The following DISP1 variants were observed in gnomAD, a reference collection of about 807,000 sequenced individuals.
The protein encoded by DISP1 is protein dispatched homolog 1.
DISP1 carries 30 observed loss-of-function variants against 37.3 expected under a neutral mutation model. That is an observed-to-expected ratio of 0.80 (90% CI 0.60 to 1.09). DISP1 has a LOEUF of 1.09. Ranked by LOEUF, DISP1 falls within the 50% of genes least tolerant of loss-of-function variation. The probability of loss-of-function intolerance (pLI) is 0.00; values close to 1 mark genes in which losing one functional copy is unlikely to be tolerated. For missense variants in DISP1, 1,598 were observed against 1,879.5 expected (o/e 0.85, Z 2.77); for synonymous variants, 634 against 690.2 (o/e 0.92, Z 1.28).
intron 3 of DISP1, among the ~76,000 whole-genome samples, chr1:222,944,967 C>T (rs1196092707): frequency 2.0e-5 from 3 of 151,826 alleles, no homozygotes; most frequent in Admixed American, 6.6e-5. Context: ...TGCTTGAGCC[C>T]AGGACTTCAA....
At chr1:222,917,455 T>A (rs1281196972) in intron 1 of DISP1, among the ~76,000 whole-genome samples, 1 of 152,094 alleles carries the variant, frequency 6.6e-6, no homozygotes, top group Non-Finnish European at 1.5e-5. Flanking sequence ...AGAAACCCCT[T>A]TACAAGTCTG....
chr1:222,944,417 G>C (rs1490861954), intron 3 of DISP1, among the ~76,000 whole-genome samples: 1 of 150,052 alleles, frequency 6.7e-6, no homozygotes, highest in South Asian at 2.2e-4. Flanking sequence ...ACTTTCTAGA[G>C]ACCTAGTATT....
At chr1:222,896,565 C>T (rs1671268082) in intron 1 of DISP1, among the ~76,000 whole-genome samples, 1 of 150,176 alleles carries the variant, frequency 6.7e-6, no homozygotes, top group African/African-American at 2.5e-5. Flanking sequence ...CGCACCATTG[C>T]ACTTCAGCCT....
At position 222,994,866 on chromosome 1, in the gene DISP1, T is replaced by C; in HGVS notation, c.890-19T>C. 1 of 1,556,120 alleles carries C rather than the reference T, an allele frequency of 6.4e-7. No individual in the cohort carries two copies. Among genetic ancestry groups the C allele is most frequent in the Non-Finnish European group, 8.9e-7 (1 of 1,129,560 alleles). ...AATTTATAAACCTTTTTCTTTCCTT[T>C]TTTTTTTCATATCACCAGGTGACCG... is the stretch of plus-strand genomic sequence containing the variant. On this transcript the variant is annotated intron_variant, in intron 7 of 8. Coordinates refer to ENST00000675850, the MANE Select transcript of DISP1 (RefSeq NM_001377229.1).
intron 1 of DISP1, among the ~76,000 whole-genome samples, chr1:222,916,002 GA>G: frequency 6.6e-6 from 1 of 152,280 alleles, no homozygotes; most frequent in South Asian, 2.1e-4. Flanking sequence ...TTCATTATAA[GA>G]TTAGGTAGTG....
chr1:222,988,403 T>C (rs1254521393), intron 4 of DISP1, among the ~76,000 whole-genome samples: 1 of 152,204 alleles, frequency 6.6e-6, no homozygotes, highest in African/African-American at 2.4e-5. Flanking sequence ...TCTAGGTTCC[T>C]AGTTTTGTGA....
At chr1:222,872,948 A>T (rs562893928) in intron 1 of DISP1, among the ~76,000 whole-genome samples, 2 of 151,980 alleles carry the variant, frequency 1.3e-5, no homozygotes, top group African/African-American at 2.4e-5. Context: ...GCTTTGAATG[A>T]GTCCCAGAGA....
chr1:222,984,824 A>G (rs1315911291), intron 4 of DISP1, among the ~76,000 whole-genome samples: 1 of 152,000 alleles, frequency 6.6e-6, no homozygotes, highest in African/African-American at 2.4e-5. Context: ...AGCAACCATC[A>G]TTCTGCTTTC....
chr1:222,987,141 A>G lies in DISP1; in HGVS notation c.540-3484A>G, dbSNP rs1276919155. 2.6e-5 allele frequency among the ~76,000 whole-genome samples: 4 copies of G among 151,752 alleles called. No homozygotes were observed. In the East Asian group the frequency reaches 7.7e-4, roughly 29 times the overall value. ...TTTCCTTTACTTCTCCAATTTTCCT[A>G]CTTTATTAGACTTTTATCTTCATAT... is the stretch of plus-strand genomic sequence containing the variant. On this transcript the variant is annotated intron_variant, in intron 4 of 8. Transcript: ENST00000675850.
intron 1 of DISP1, among the ~76,000 whole-genome samples, chr1:222,840,676 C>G (rs1667550401): frequency 6.6e-6 from 1 of 150,988 alleles, no homozygotes; most frequent in South Asian, 2.1e-4. Flanking sequence ...GATTCTCCTG[C>G]CTCAGCCTCC....
chr1:222,849,492 T>TAA (rs139829307), intron 1 of DISP1, among the ~76,000 whole-genome samples: 4 of 149,334 alleles, frequency 2.7e-5, no homozygotes, highest in African/African-American at 9.8e-5. Flanking sequence ...TCACTGTACC[T>TAA]AAAAAAAAAA....
chr1:222,970,656 C>G (rs1482703386), intron 3 of DISP1, among the ~76,000 whole-genome samples: 2 of 152,164 alleles, frequency 1.3e-5, no homozygotes, highest in African/African-American at 4.8e-5. Context: ...TTTAATCTAA[C>G]TCTCCTTATT....
intron 1 of DISP1, among the ~76,000 whole-genome samples, chr1:222,903,954 T>G (rs1471876159): frequency 1.3e-5 from 2 of 152,242 alleles, no homozygotes; most frequent in African/African-American, 4.8e-5. Context: ...TACATTTTAT[T>G]TTTATTTTCA....
chr1:222,855,140 G>A (rs1668478619), intron 1 of DISP1, among the ~76,000 whole-genome samples: 1 of 152,164 alleles, frequency 6.6e-6, no homozygotes, highest in African/African-American at 2.4e-5. Context: ...ATCTTCCTGA[G>A]TTACTGTTTG....
intron 3 of DISP1, among the ~76,000 whole-genome samples, chr1:222,979,179 G>A (rs903368966): frequency 6.6e-6 from 1 of 152,134 alleles, no homozygotes; most frequent in Admixed American, 6.5e-5. Flanking sequence ...GAGCCTGGGC[G>A]AGAGTGTCAC....
In DISP1 at chr1:223,004,760, T is replaced by C; in HGVS notation, c.3363T>C (p.Ala1121=). The C allele has an allele frequency of 1.2e-6, 2 of 1,613,600 alleles. No individual in the cohort carries two copies. The highest frequency in any genetic ancestry group is 1.7e-6 in the Non-Finnish European group (2 of 1,180,032). The change falls in exon 9 of 9, where the codon GCT becomes GCC. Residue 1121 remains alanine (A), a synonymous_variant. Transcript: ENST00000675850. This position sits in a 1 kb window ranked among gnomAD's most constrained non-coding sequence, Gnocchi z 4.9. The stretch of plus-strand genomic sequence containing the variant: ...TGCTCATCATGTGTATCAGTTGGGC[T>C]TTCGCCACCTTCTTTTTCCAGTGCA... ...FMMLIMCISW[A]FATFFFQCMC...
rs68057775 is a variant in DISP1, at chr1:222,816,072, AATATATATATATAT to A, written c.-159+1012_-159+1025del. On this transcript the variant is annotated intron_variant, in intron 1 of 8. Coordinates refer to ENST00000675850, the MANE Select transcript of DISP1 (RefSeq NM_001377229.1). ...TTCCTTTTTATTTCTGCTGTAAGGA[AATATATATATATAT>A]ATATATATATATATATAAATATTTG... Among the ~76,000 whole-genome samples the A allele has an allele frequency of 4.0e-4, 58 of 144,134 alleles. 1 individual carries two copies. Among genetic ancestry groups the A allele is most frequent in the Non-Finnish European group, 6.7e-4 (44 of 65,936 alleles). 94.6% of individuals were successfully genotyped at this position (144,134 alleles called of 152,430 possible).
chr1:222,878,179 G>A (rs536439526), intron 1 of DISP1, among the ~76,000 whole-genome samples: 3 of 152,288 alleles, frequency 2.0e-5, no homozygotes, highest in African/African-American at 4.8e-5. Flanking sequence ...GCATTGTTAC[G>A]GAGTCCTTGA....
chr1:222,944,393 A>G (rs191015671), intron 3 of DISP1, among the ~76,000 whole-genome samples: 13 of 152,336 alleles, frequency 8.5e-5, no homozygotes, highest in Middle Eastern at 3.4e-3. Context: ...AATATATTTT[A>G]CAAAATACTA....
Sources: gnomAD v4.1 joint callset for allele counts (sites outside exome capture counted in the v4.1 genomes callset) on GRCh38, gnomAD v4.1.1 for gene constraint, Gnocchi (gnomAD v3.1) non-coding constraint, MANE v1.5 for transcripts, NCBI Gene and HGNC (gene_info 2026-07-23, HGNC 2026-07-21) for gene names.